Variants in ATF3 observed in about 807,000 individuals in gnomAD.
The protein encoded by ATF3 is cyclic AMP-dependent transcription factor ATF-3.
A neutral mutation model predicts 18.4 loss-of-function variants in ATF3; 10 were observed. The ratio of observed to expected loss-of-function variants is 0.54; its 90% confidence interval spans 0.34 to 0.92. The LOEUF (loss-of-function observed/expected upper bound fraction) is 0.92. ATF3 is among the 40% of genes least tolerant of loss of function. ATF3 has a pLI of 0.02. For missense variants in ATF3, 183 were observed against 222.3 expected (o/e 0.82, Z 1.12); for synonymous variants, 78 against 87.9 (o/e 0.89, Z 0.63).
chr1:212,588,354 A>G (rs1433702790), intron 1 of ATF3, among the ~76,000 whole-genome samples: 1 of 152,134 alleles, frequency 6.6e-6, no homozygotes, highest in Non-Finnish European at 1.5e-5. Context: ...TCAAGAGTGA[A>G]GACAGGTTTG....
intron 1 of ATF3, among the ~76,000 whole-genome samples, chr1:212,594,437 A>G (rs1457805832): frequency 6.6e-6 from 1 of 152,102 alleles, no homozygotes; most frequent in East Asian, 1.9e-4. Flanking sequence ...AAACCTAACA[A>G]TTTTCCAGAG....
intron 1 of ATF3, among the ~76,000 whole-genome samples, chr1:212,568,292 G>A (rs950297741): frequency 6.6e-6 from 1 of 152,032 alleles, no homozygotes; most frequent in African/African-American, 2.4e-5. Flanking sequence ...TTATTTTGGG[G>A]CTACCAAGCT....
intron 1 of ATF3, among the ~76,000 whole-genome samples, chr1:212,576,716 C>CTTTTTTTTTTTTTTTT (rs761124416): frequency 3.8e-5 from 3 of 78,258 alleles, no homozygotes; most frequent in Admixed American, 1.7e-4. Context: ...CTTTTCTTTT[C>CTTTTTTTTTTTTTTTT]TTTTCTTTTT....
rs920283298 is a variant in ATF3, at chr1:212,593,486, G to A, written c.-4-21532G>A. On this transcript the variant is annotated intron_variant, in intron 1 of 3. Coordinates refer to the ATF3 transcript ENST00000366981. ...GTGGTGGCTCATACCTGTAACCATA[G>A]CACTTTGAGAGGCTGAAGTGGGAGG... Among the ~76,000 whole-genome samples, 22 of 152,034 alleles carry A rather than the reference G, an allele frequency of 1.4e-4. 1 individual carries two copies. The South Asian group carries it at 3.7e-3, about 26-fold the overall frequency.
rs575760385 is a variant in ATF3, at chr1:212,598,313, A to T, written c.-4-16705A>T. ...TGTGTTGATATATATCTTACTTTTT[A>T]AAATTTATTTATTTTTAACTTTTAT... On this transcript the variant is annotated intron_variant, in intron 1 of 3. Coordinates refer to the ATF3 transcript ENST00000366981. 5.9e-5 allele frequency among the ~76,000 whole-genome samples: 9 copies of T among 152,082 alleles called. No homozygotes were observed. The South Asian group carries it at 1.7e-3, about 28-fold the overall frequency.
chr1:212,572,523 A>C (rs1254493325), intron 1 of ATF3, among the ~76,000 whole-genome samples: 4 of 152,204 alleles, frequency 2.6e-5, no homozygotes, highest in Non-Finnish European at 5.9e-5. Context: ...CAGTCTCAAA[A>C]ACCAAACAAA....
In ATF3 at chr1:212,615,234, C is replaced by G. The variant is rs1013666007; in HGVS notation, c.213C>G (p.Pro71=). 1 of 1,613,702 alleles carries G rather than the reference C, an allele frequency of 6.2e-7. No homozygotes were observed. Among genetic ancestry groups the G allele is most frequent in the Admixed American group, 1.7e-5 (1 of 60,002 alleles). ...AATCAGTCACTGTCAGCGACAGACC[C>G]CTCGGGGTGTCCATCACAAAAGCCG... The part of the protein sequence containing the change: ...ALESVTVSDR[P]LGVSITKAEV... The change falls in exon 2 of 4, where the codon CCC becomes CCG. Residue 71 remains proline, a synonymous_variant. Coordinates refer to ENST00000341491, the MANE Select transcript of ATF3 (RefSeq NM_001674.4).
upstream of ATF3, among the ~76,000 whole-genome samples, chr1:212,605,159 A>G (rs1654584716): frequency 6.6e-6 from 1 of 152,218 alleles, no homozygotes; most frequent in African/African-American, 2.4e-5. Context: ...TGTCACAACA[A>G]TCTTATGCAT....
At chr1:212,585,872 T>A (rs1378952395) in intron 1 of ATF3, among the ~76,000 whole-genome samples, 2 of 152,112 alleles carry the variant, frequency 1.3e-5, no homozygotes, top group Non-Finnish European at 2.9e-5. Context: ...GCTCCATGGT[T>A]GTTGCTCTTT....
chr1:212,567,029 A>G (rs1446232295), intron 1 of ATF3, among the ~76,000 whole-genome samples: 1 of 152,196 alleles, frequency 6.6e-6, no homozygotes, highest in Non-Finnish European at 1.5e-5. Context: ...TAGCGATTTT[A>G]CTTAACTCTT....
intron 1 of ATF3, among the ~76,000 whole-genome samples, chr1:212,573,670 G>T (rs72756335): frequency 0.045 from 6,891 of 151,930 alleles, 255 homozygotes; most frequent in African/African-American, 0.1. Flanking sequence ...AGAATTGAAA[G>T]ATTTTTTTCC....
chr1:212,590,485 T>A (rs1168353307), intron 1 of ATF3, among the ~76,000 whole-genome samples: 2 of 152,206 alleles, frequency 1.3e-5, no homozygotes, highest in African/African-American at 4.8e-5. Flanking sequence ...ATCCAAATAA[T>A]TTTTAAAAGA....
chr1:212,608,643 C>G (rs1047981730), upstream of ATF3: 1 of 152,448 alleles, frequency 6.6e-6, no homozygotes, highest in African/African-American at 2.4e-5. Flanking sequence ...TCCGTTCGGC[C>G]GGTTCTCCCG....
chr1:212,612,587 C>T (rs183569760), intron 1 of ATF3, among the ~76,000 whole-genome samples: 8 of 152,288 alleles, frequency 5.3e-5, no homozygotes, highest in East Asian at 1.9e-4. Flanking sequence ...TGCCTGACAG[C>T]GACAAGTATC....
rs1365287782 is a variant in ATF3, at chr1:212,620,287, C to T, written c.*732C>T. 2.6e-5 allele frequency: 4 copies of T among 153,236 alleles called. No homozygotes were observed. Among genetic ancestry groups the T allele is most frequent in the Non-Finnish European group, 4.4e-5 (3 of 68,548 alleles). 9.5% of individuals were successfully genotyped at this position (153,236 alleles called of 1,614,324 possible). On this transcript the variant is annotated 3_prime_UTR_variant, in exon 4 of 4. Transcript: ENST00000341491. The stretch of plus-strand genomic sequence containing the variant: ...CATGGGCAGTATGATGGCAGGTCCT[C>T]TGTTGCAAACTCAGTTCCAAAGTCA...
At chr1:212,600,987 C>T (rs968503504) in intron 1 of ATF3, among the ~76,000 whole-genome samples, 2 of 152,112 alleles carry the variant, frequency 1.3e-5, no homozygotes, top group African/African-American at 4.8e-5. Flanking sequence ...TCAAGAAATG[C>T]TCTTATATTG....
At chr1:212,616,541 G>T (rs372708250) in intron 2 of ATF3, among the ~76,000 whole-genome samples, 1 of 152,038 alleles carries the variant, frequency 6.6e-6, no homozygotes, top group African/African-American at 2.4e-5. Context: ...CAGGTAATCC[G>T]CCCGCCTCGG....
rs535612062 is a variant in ATF3, at chr1:212,616,470, A to AT, written c.240+1216dup. Among the ~76,000 whole-genome samples, 94 of 152,008 alleles carry AT rather than the reference A, an allele frequency of 6.2e-4. 2 individuals are homozygous for AT. In the South Asian group the frequency reaches 0.019, roughly 30 times the overall value. ...CGCCACACGTCTGGCTAATTTTTGA[A>AT]TTTTTTTAGTAGAGACGGGGTTTCT... On this transcript the variant is annotated intron_variant, in intron 2 of 3. Coordinates refer to ENST00000341491, the MANE Select transcript of ATF3 (RefSeq NM_001674.4).
chr1:212,614,928 G>A (rs1655044289), intron 1 of ATF3, 90 bp from the exon 2 acceptor site: 4 of 1,609,924 alleles, frequency 2.5e-6, no homozygotes, highest in South Asian at 2.2e-5. Flanking sequence ...TGAGGGTGGG[G>A]CTCTGGTGTT....
Sources: allele counts gnomAD v4.1 joint callset (sites outside exome capture counted in the v4.1 genomes callset), GRCh38; gene constraint gnomAD v4.1.1; transcripts MANE v1.5; gene names NCBI Gene and HGNC (gene_info 2026-07-23, HGNC 2026-07-21).